GRM8: variants seen among roughly 807,000 people sequenced by gnomAD.
GRM8 encodes the protein metabotropic glutamate receptor 8.
Under a neutral mutation model 87.2 loss-of-function variants are expected in GRM8, and 47 were observed. The ratio of observed to expected loss-of-function variants is 0.54; its 90% CI spans 0.43 to 0.69. The LOEUF (loss-of-function observed/expected upper bound fraction) is 0.69. GRM8 is among the 30% of genes least tolerant of loss of function. The pLI is 0.00. For missense variants in GRM8, 1,019 were observed against 1,139.2 expected (o/e 0.89, Z 1.52); for synonymous variants, 396 against 404.5 (o/e 0.98, Z 0.25).
At chr7:127,051,017 T>C (rs939607699) in intron 3 of GRM8, among the ~76,000 whole-genome samples, 1 of 152,218 alleles carries the variant, frequency 6.6e-6, no homozygotes, top group African/African-American at 2.4e-5. Flanking sequence ...ATCCTATCAA[T>C]CATTTCTATT....
At chr7:126,774,459 A>T (rs1251032105) in intron 6 of GRM8, among the ~76,000 whole-genome samples, 1 of 152,202 alleles carries the variant, frequency 6.6e-6, no homozygotes, top group African/African-American at 2.4e-5. Context: ...AATATCACCG[A>T]TTGTAAAGTT....
chr7:126,722,064 T>C (rs1376722292), intron 7 of GRM8, among the ~76,000 whole-genome samples: 1 of 152,138 alleles, frequency 6.6e-6, no homozygotes, highest in African/African-American at 2.4e-5. Context: ...GTATCATGAA[T>C]AACTAGAAGA....
At chr7:126,932,912 A>T (rs1434521371) in intron 3 of GRM8, among the ~76,000 whole-genome samples, 1 of 152,222 alleles carries the variant, frequency 6.6e-6, no homozygotes, top group Non-Finnish European at 1.5e-5. Context: ...ATTGGCTATG[A>T]AATGAAGTAG....
intron 7 of GRM8, among the ~76,000 whole-genome samples, chr7:126,643,319 A>AATATATATATAT (rs1198296006): frequency 1.1e-3 from 38 of 36,142 alleles, no homozygotes; most frequent in African/African-American, 4.6e-3. Context: ...AAAAAAAAAA[A>AATATATATATAT]ATATATATAT....
rs374683447 is a variant in GRM8, at chr7:126,812,806, G to A, written c.1157-42741C>T. ...TAGAAAGTAAACATGCATACATAGA[G>A]CAGGTATGCTTTTGCAGTAGTACAT... On this transcript the variant is annotated intron_variant, in intron 6 of 10. Transcript: ENST00000339582. Among the ~76,000 whole-genome samples, 35 of 152,138 alleles carry A rather than the reference G, an allele frequency of 2.3e-4. 1 individual carries two copies. Among genetic ancestry groups the A allele is most frequent in the African/African-American group, 8.2e-4 (34 of 41,530 alleles).
At chr7:126,764,535 T>A (rs1242136870) in intron 7 of GRM8, among the ~76,000 whole-genome samples, 3 of 152,102 alleles carry the variant, frequency 2.0e-5, no homozygotes, top group Non-Finnish European at 4.4e-5. Flanking sequence ...ACTATAGTGT[T>A]CAGAGACTCT....
chr7:126,703,824 C>A (rs767756289), intron 7 of GRM8, among the ~76,000 whole-genome samples: 1 of 152,134 alleles, frequency 6.6e-6, no homozygotes, highest in African/African-American at 2.4e-5. Flanking sequence ...GGCCCCCCAG[C>A]GTGCTGAGAT....
At chr7:126,827,754 A>T (rs1445259903) in intron 6 of GRM8, among the ~76,000 whole-genome samples, 6 of 152,110 alleles carry the variant, frequency 3.9e-5, no homozygotes, top group Admixed American at 3.9e-4. Context: ...CTATGTTGAA[A>T]AGGAGTGGTG....
Position 126,533,343 on chromosome 7 carries a change from C to A in GRM8, c.2039G>T (p.Gly680Val), listed in dbSNP as rs191023309. ...CTTGGGCGCTGTGACAGATTTCTTC[C>A]CCTGCTCAAATATTCGGTGGATACG... is the stretch of plus-strand genomic sequence containing the variant. ...TNRIHRIFEQ[G>V]KKSVTAPKFI... The change falls in exon 9 of 11, where the codon GGG (glycine) becomes GTG (valine). Residue 680 changes from glycine to valine, a missense_variant. Physicochemically the swap from Gly to Val is moderately radical, Grantham distance 109 (BLOSUM62 -3). Coordinates refer to ENST00000339582, the MANE Select transcript of GRM8 (RefSeq NM_000845.3). The A allele has an allele frequency of 6.2e-7, 1 of 1,613,690 alleles. No homozygotes were observed. The highest frequency in any genetic ancestry group is 1.7e-5 in the Admixed American group (1 of 59,970).
intron 3 of GRM8, among the ~76,000 whole-genome samples, chr7:127,050,908 A>T (rs1819404869): frequency 1.3e-5 from 2 of 152,204 alleles, no homozygotes; most frequent in Non-Finnish European, 2.9e-5. Context: ...AGGAACACAG[A>T]ATTTGCAATT....
chr7:127,222,346 T>C (rs1243315020), intron 2 of GRM8, among the ~76,000 whole-genome samples: 1 of 152,158 alleles, frequency 6.6e-6, no homozygotes, highest in Non-Finnish European at 1.5e-5. Flanking sequence ...AGGCGGAGAC[T>C]GTGGGGAGCT....
chr7:127,207,095 A>G (rs1795956816), intron 2 of GRM8, among the ~76,000 whole-genome samples: 1 of 152,230 alleles, frequency 6.6e-6, no homozygotes, highest in Non-Finnish European at 1.5e-5. Context: ...GCCACTTTTT[A>G]TTAAACACAG....
chr7:127,187,961 A>T (rs1794824992), intron 2 of GRM8, among the ~76,000 whole-genome samples: 1 of 152,182 alleles, frequency 6.6e-6, no homozygotes, highest in Admixed American at 6.5e-5. Flanking sequence ...GATCTCATGT[A>T]ACAATCTTTT....
chr7:126,878,581 A>G (rs1799737889), intron 6 of GRM8, among the ~76,000 whole-genome samples: 1 of 144,166 alleles, frequency 6.9e-6, no homozygotes. Flanking sequence ...GTGCAGTGGC[A>G]CCGTCTCAGC....
intron 7 of GRM8, among the ~76,000 whole-genome samples, chr7:126,626,024 T>C (rs557028827): frequency 5.3e-5 from 8 of 152,250 alleles, no homozygotes; most frequent in African/African-American, 1.9e-4. Flanking sequence ...AATGTGTATA[T>C]ATGACTTCCA....
chr7:126,898,648 G>A (rs1239654153), intron 6 of GRM8, among the ~76,000 whole-genome samples: 1 of 152,228 alleles, frequency 6.6e-6, no homozygotes, highest in Non-Finnish European at 1.5e-5. Context: ...ACATGCCACA[G>A]AATCTGGATT....
chr7:126,580,852 T>G (rs1169548420), intron 8 of GRM8, among the ~76,000 whole-genome samples: 7 of 151,840 alleles, frequency 4.6e-5, no homozygotes, highest in Non-Finnish European at 1.0e-4. Flanking sequence ...ATTCTTCAAA[T>G]AAAAAGGAAT....
At chr7:126,759,613 C>A (rs1294388167) in intron 7 of GRM8, among the ~76,000 whole-genome samples, 3 of 152,118 alleles carry the variant, frequency 2.0e-5, no homozygotes, top group African/African-American at 7.2e-5. Context: ...GCAGAAGCAT[C>A]CTTTCCAACT....
At chr7:127,198,702 T>C (rs957832440) in intron 2 of GRM8, among the ~76,000 whole-genome samples, 11 of 152,000 alleles carry the variant, frequency 7.2e-5, no homozygotes, top group African/African-American at 2.4e-4. Flanking sequence ...AGGGTTTTGC[T>C]CTGTCACCCA....
Sources: gnomAD v4.1 joint callset for allele counts (sites outside exome capture counted in the v4.1 genomes callset) on GRCh38, gnomAD v4.1.1 for gene constraint, MANE v1.5 for transcripts, NCBI Gene and HGNC (gene_info 2026-07-23, HGNC 2026-07-21) for gene names.